The following TBC1D1 variants were observed in gnomAD, a reference collection of about 807,000 sequenced individuals.
The protein encoded by TBC1D1 is TBC1 domain family member 1.
A neutral mutation model predicts 125.6 loss-of-function variants in TBC1D1; 89 were observed. That is an observed-to-expected ratio of 0.71 (90% CI 0.60 to 0.85). The LOEUF (loss-of-function observed/expected upper bound fraction) is 0.85. Ranked by LOEUF, TBC1D1 falls within the 40% of genes least tolerant of loss-of-function variation. The pLI is 0.00. For synonymous variants in TBC1D1, 565 were observed against 564.1 expected (o/e 1.00, Z -0.02); for missense variants, 1,377 against 1,469.2 (o/e 0.94, Z 1.03).
At chr4:37,902,592 G>A in intron 2 of TBC1D1, 80 bp downstream of exon 2, 1 of 1,150,602 alleles carries the variant, frequency 8.7e-7, no homozygotes, top group Non-Finnish European at 1.2e-6. Flanking sequence ...TTTATTTTAA[G>A]TATACTGAAA....
chr4:37,919,819 T>C (rs1560477281), intron 2 of TBC1D1, among the ~76,000 whole-genome samples: 1 of 152,128 alleles, frequency 6.6e-6, no homozygotes, highest in Non-Finnish European at 1.5e-5. Flanking sequence ...TCAGTAAACA[T>C]TAACTATCTG....
intron 18 of TBC1D1, among the ~76,000 whole-genome samples, chr4:38,127,338 C>T (rs181461775): frequency 3.4e-4 from 51 of 151,730 alleles, no homozygotes; most frequent in African/African-American, 9.2e-4. Flanking sequence ...TGTTTCAAGC[C>T]GCTATCTGGC....
intron 12 of TBC1D1, among the ~76,000 whole-genome samples, chr4:38,082,579 G>A (rs1266305335): frequency 3.3e-5 from 5 of 152,130 alleles, no homozygotes; most frequent in Admixed American, 6.5e-5. Flanking sequence ...AAAAACAAAC[G>A]CCACTTCTTT....
chr4:38,095,945 G>T lies in TBC1D1; in HGVS notation c.2253G>T (p.Leu751Phe). ...CTATTCCAGCCTCTGAAAATGATTT[G>T]CTGAACAAGCGCCTGAAGCTCGATT... is the stretch of plus-strand genomic sequence containing the variant. The change falls in exon 14 of 20, where the codon TTG (leucine) becomes TTT (phenylalanine). Residue 751 changes from leucine (L) to phenylalanine (F), a missense_variant. Around this residue, in one of 3 missense-constraint regions of TBC1D1, gnomAD observed 543 missense variants for 613.5 expected, o/e 0.89. Transcript: ENST00000261439. The T allele has an allele frequency of 1.2e-6, 2 of 1,613,356 alleles. No homozygotes were observed. Among genetic ancestry groups the T allele is most frequent in the East Asian group, 4.5e-5 (2 of 44,870 alleles).
At chr4:38,026,939 G>A (rs147878137) in intron 6 of TBC1D1, among the ~76,000 whole-genome samples, 3 of 152,312 alleles carry the variant, frequency 2.0e-5, no homozygotes, top group East Asian at 3.9e-4. Flanking sequence ...TCAATTTTCC[G>A]TGATGGGAAC....
chr4:38,028,509 C>A (rs779726940), intron 7 of TBC1D1, among the ~76,000 whole-genome samples: 1 of 152,186 alleles, frequency 6.6e-6, no homozygotes, highest in Non-Finnish European at 1.5e-5. Context: ...TTGTGTTGGG[C>A]TACATTCAGA....
At chr4:38,117,927 A>T in intron 16 of TBC1D1, 106 bp from the exon 19 acceptor site, 1 of 1,017,650 alleles carries the variant, frequency 9.8e-7, no homozygotes, top group Non-Finnish European at 1.5e-6. Flanking sequence ...TCGAATGTTT[A>T]AAGTTCTAGT....
chr4:38,037,679 G>C (rs1747479614), intron 8 of TBC1D1, among the ~76,000 whole-genome samples: 1 of 152,206 alleles, frequency 6.6e-6, no homozygotes. Flanking sequence ...TCATGGCTTT[G>C]ACAAAGAACT....
At chr4:38,062,799 A>G (rs549609113) in intron 12 of TBC1D1, among the ~76,000 whole-genome samples, 8 of 152,316 alleles carry the variant, frequency 5.3e-5, no homozygotes, top group Admixed American at 2.0e-4. Context: ...CAGCCAGTCC[A>G]TAACACTGTG....
chr4:37,960,511 TGG>T (rs749020535), intron 2 of TBC1D1: 2 of 1,614,036 alleles, frequency 1.2e-6, no homozygotes, highest in African/African-American at 2.7e-5. Context: ...GTGCTGAAGC[TGG>T]AGTCTAGACC....
intron 8 of TBC1D1, among the ~76,000 whole-genome samples, chr4:38,043,753 AAGT>A (rs1022577569): frequency 2.0e-5 from 3 of 152,200 alleles, no homozygotes; most frequent in African/African-American, 4.8e-5. Context: ...GGGAAAATAA[AAGT>A]AGGAGAGAGG....
chr4:38,068,563 G>A (rs938353824), intron 12 of TBC1D1, among the ~76,000 whole-genome samples: 1 of 152,116 alleles, frequency 6.6e-6, no homozygotes, highest in Non-Finnish European at 1.5e-5. Flanking sequence ...GATGGAGAGC[G>A]TCTTACTGTG....
rs550865334 is a variant in TBC1D1 at position 38,086,231 on chromosome 4, G to T, written c.2051-3701G>T. ...GAGATACGTTTTTGCCCCTTCCCAG[G>T]GTTTAGGAGAGACGAAATGGTGAGA... is the stretch of plus-strand genomic sequence containing the variant. On this transcript the variant is annotated intron_variant, in intron 12 of 19. Transcript: ENST00000261439. Among the ~76,000 whole-genome samples the T allele has an allele frequency of 2.0e-5, 3 of 152,256 alleles. No individual in the cohort carries two copies. In the Middle Eastern group the frequency reaches 0.01, roughly 518 times the overall value.
At chr4:38,066,643 G>A (rs1245590913) in intron 12 of TBC1D1, among the ~76,000 whole-genome samples, 1 of 151,994 alleles carries the variant, frequency 6.6e-6, no homozygotes, top group Non-Finnish European at 1.5e-5. Context: ...CCATGTATTT[G>A]AATGAAAGAG....
intron 12 of TBC1D1, among the ~76,000 whole-genome samples, chr4:38,071,312 G>C (rs990917898): frequency 1.3e-5 from 2 of 152,052 alleles, no homozygotes; most frequent in Non-Finnish European, 2.9e-5. Flanking sequence ...CTTGTTGAGA[G>C]TCTACATTTC....
intron 8 of TBC1D1, 112 bp from the exon 9 acceptor site, chr4:38,044,250 A>T: frequency 8.3e-7 from 1 of 1,207,138 alleles, no homozygotes. Context: ...GAGATCACAG[A>T]CAGGATCAGA....
intron 2 of TBC1D1, among the ~76,000 whole-genome samples, chr4:38,013,835 GATA>G (rs1742037769): frequency 6.6e-6 from 1 of 152,140 alleles, no homozygotes; most frequent in South Asian, 2.1e-4. Context: ...TGTTTGCTGT[GATA>G]ATATTAGTCA....
intron 8 of TBC1D1, among the ~76,000 whole-genome samples, chr4:38,039,318 C>T (rs952536859): frequency 5.3e-5 from 8 of 151,576 alleles, no homozygotes; most frequent in East Asian, 2.0e-4. Flanking sequence ...GGGGTTTCAC[C>T]GTGTTAGCCG....
intron 2 of TBC1D1, among the ~76,000 whole-genome samples, chr4:37,920,027 G>A (rs1022408796): frequency 6.6e-6 from 1 of 152,208 alleles, no homozygotes; most frequent in Non-Finnish European, 1.5e-5. Flanking sequence ...GCAGGAGAAT[G>A]GCGTGAACCG....
Sources: gnomAD v4.1 joint callset for allele counts (sites outside exome capture counted in the v4.1 genomes callset) on GRCh38, gnomAD v4.1.1 for gene constraint, gnomAD v4.1.1 regional missense constraint, MANE v1.5 for transcripts, NCBI Gene and HGNC (gene_info 2026-07-23, HGNC 2026-07-21) for gene names.